The following PCDHA6 variants were observed in gnomAD, a reference collection of about 807,000 sequenced individuals.
PCDHA6 encodes the protein protocadherin alpha 6, also known as protocadherin alpha-6.
Under a neutral mutation model 60.3 loss-of-function variants are expected in PCDHA6, and 55 were observed. The observed-to-expected ratio is 0.91, with a 90% CI of 0.73 to 1.14. The LOEUF is 1.14. Among genes scored for constraint, PCDHA6 ranks in the 50% most tolerant of loss-of-function variants. The pLI is 0.00. For missense variants in PCDHA6, 1,327 were observed against 1,256.5 expected, an observed-to-expected ratio of 1.06 and a Z score of -0.85; for synonymous variants, 652 against 557.9, an observed-to-expected ratio of 1.17 and a Z score of -2.38.
intron 1 of PCDHA6, chr5:140,861,768 T>TATCA (rs1554155221): frequency 1.3e-5 from 2 of 158,832 alleles, no homozygotes; most frequent in African/African-American, 4.8e-5. Context: ...TCCCTGGAAA[T>TATCA]ACCAAGAGCA....
intron 1 of PCDHA6, chr5:140,967,414 C>T: frequency 6.2e-7 from 1 of 1,613,156 alleles, no homozygotes; most frequent in African/African-American, 1.3e-5. Context: ...AGGGCCTAGA[C>T]CGGGAGCAGG....
At chr5:140,991,101 T>C (rs1281707030) in intron 3 of PCDHA6, among the ~76,000 whole-genome samples, 3 of 152,218 alleles carry the variant, frequency 2.0e-5, no homozygotes, top group African/African-American at 4.8e-5. Flanking sequence ...CTCATAAGAA[T>C]TAAGTGGCTT....
At chr5:140,853,925 T>C in intron 1 of PCDHA6, 3 of 909,732 alleles carry the variant, frequency 3.3e-6, no homozygotes, top group Non-Finnish European at 4.0e-6. Context: ...TCCCAACATT[T>C]TGGGAGGCCA....
intron 1 of PCDHA6, among the ~76,000 whole-genome samples, chr5:140,892,414 C>G (rs2063506203): frequency 6.6e-6 from 1 of 152,124 alleles, no homozygotes; most frequent in Non-Finnish European, 1.5e-5. Context: ...TTCAGGTATT[C>G]TAGATAAAAC....
At chr5:140,836,938 A>G in intron 1 of PCDHA6, 1 of 463,722 alleles carries the variant, frequency 2.2e-6, no homozygotes, top group Non-Finnish European at 3.7e-6. Flanking sequence ...AATACTATAG[A>G]TCAAAATCTA....
intron 1 of PCDHA6, among the ~76,000 whole-genome samples, chr5:140,879,542 GA>G (rs1281717017): frequency 6.6e-6 from 1 of 152,104 alleles, no homozygotes; most frequent in African/African-American, 2.4e-5. Context: ...CTCCTTTAGA[GA>G]AAAAAATAAT....
intron 1 of PCDHA6, among the ~76,000 whole-genome samples, chr5:140,960,167 CTTAAG>C (rs1291277794): frequency 1.3e-5 from 2 of 152,052 alleles, no homozygotes; most frequent in Non-Finnish European, 2.9e-5. Context: ...TAATACAATT[CTTAAG>C]TTAGGGGTTG....
Position 140,883,261 on chromosome 5 carries a change from G to A in PCDHA6, c.2394+52776G>A, listed in dbSNP as rs148578758. The A allele has an allele frequency of 8.1e-5, 131 of 1,613,912 alleles. No individual in the cohort carries two copies. In the African/African-American group the frequency reaches 1.7e-3, roughly 21 times the overall value. On this transcript the variant is annotated intron_variant, in intron 1 of 3. Transcript: ENST00000529310. Reference sequence around the variant, plus strand: ...TTGACAAAGGAAATATTCCAATGGCGGGTCATTGTACCCTTTTGGTGGAAG... The same window carrying A: ...TTGACAAAGGAAATATTCCAATGGCAGGTCATTGTACCCTTTTGGTGGAAG...
intron 1 of PCDHA6, chr5:140,842,858 G>A (rs2150346522): frequency 1.3e-6 from 2 of 1,594,076 alleles, no homozygotes; most frequent in South Asian, 2.2e-5. Context: ...GGTGCACACG[G>A]AGAGCGGCAA....
chr5:140,841,274 C>G, intron 1 of PCDHA6: 28 of 1,518,248 alleles, frequency 1.8e-5, no homozygotes, highest in Non-Finnish European at 1.7e-5. Flanking sequence ...TACAGTCGTT[C>G]ATCTTTATAT....
chr5:140,927,254 C>T, intron 1 of PCDHA6: 2 of 1,614,132 alleles, frequency 1.2e-6, no homozygotes, highest in Non-Finnish European at 1.7e-6. Flanking sequence ...AATGACAACT[C>T]ACCTCTCTTT....
At chr5:140,881,377 G>A (rs557722479) in intron 1 of PCDHA6, 222 of 984,702 alleles carry the variant, frequency 2.3e-4, no homozygotes, top group Non-Finnish European at 2.4e-4. Flanking sequence ...AATTGCAGCC[G>A]GCGGCGGTAA....
chr5:140,830,324 G>C lies in PCDHA6; in HGVS notation c.2233G>C (p.Val745Leu), dbSNP rs1770992912. The change falls in exon 1 of 4, where the codon GTG (valine) becomes CTG (leucine). Residue 745 changes from valine to leucine, a missense_variant. Physicochemically the swap from Val to Leu is conservative, Grantham distance 32. Transcript: ENST00000529310. ...GCCCACGCTGGTGTGCTCCAGCGCA[G>C]TGGGGAGCTGGTCGTACTCGCAGCA... ...DKPTLVCSSA[V>L]GSWSYSQQRR... 6.2e-7 allele frequency: 1 copy of C among 1,614,086 alleles called. No individual in the cohort carries two copies. The highest frequency in any genetic ancestry group is 8.5e-7 in the Non-Finnish European group (1 of 1,179,964).
chr5:140,848,504 C>T (rs1554142138), intron 1 of PCDHA6: 4 of 1,587,366 alleles, frequency 2.5e-6, no homozygotes, highest in African/African-American at 2.7e-5. Flanking sequence ...AAATGTTATA[C>T]TCAAGTCGAG....
At chr5:140,979,894 C>G (rs1183667310) in intron 2 of PCDHA6, among the ~76,000 whole-genome samples, 2 of 152,206 alleles carry the variant, frequency 1.3e-5, no homozygotes, top group African/African-American at 4.8e-5. Context: ...ATTCACCAAA[C>G]TTAGATCAGT....
chr5:140,909,343 C>G (rs148713510), intron 1 of PCDHA6, among the ~76,000 whole-genome samples: 2 of 152,264 alleles, frequency 1.3e-5, no homozygotes, highest in African/African-American at 4.8e-5. Context: ...ATACCAGGTA[C>G]CAAGAGATGT....
intron 1 of PCDHA6, among the ~76,000 whole-genome samples, chr5:140,970,594 T>C (rs975404675): frequency 6.6e-6 from 1 of 152,206 alleles, no homozygotes; most frequent in Admixed American, 6.5e-5. Flanking sequence ...ATATGCTTTG[T>C]GATACTTAAA....
chr5:140,877,242 G>A, intron 1 of PCDHA6: 1 of 1,613,732 alleles, frequency 6.2e-7, no homozygotes, highest in Non-Finnish European at 8.5e-7. Flanking sequence ...CGGGCCACGT[G>A]GTGGCGAAAG....
chr5:140,903,049 A>G (rs2069961526), intron 1 of PCDHA6, among the ~76,000 whole-genome samples: 1 of 152,080 alleles, frequency 6.6e-6, no homozygotes, highest in Non-Finnish European at 1.5e-5. Flanking sequence ...TTTTCATGTA[A>G]TGACTTCTTT....
Sources: gnomAD v4.1 joint callset for allele counts (sites outside exome capture counted in the v4.1 genomes callset) on GRCh38, gnomAD v4.1.1 for gene constraint, MANE v1.5 for transcripts, NCBI Gene and HGNC (gene_info 2026-07-23, HGNC 2026-07-21) for gene names.